Variants in PPP2R5A observed in about 807,000 individuals in gnomAD.
PPP2R5A encodes the protein serine/threonine-protein phosphatase 2A 56 kDa regulatory subunit alpha isoform.
In PPP2R5A, 25 loss-of-function variants were observed where a neutral mutation model predicts 64.2. The ratio of observed to expected loss-of-function variants is 0.39; its 90% CI spans 0.28 to 0.54. PPP2R5A has a LOEUF of 0.54. PPP2R5A is among the 20% of genes least tolerant of loss of function. The pLI, the probability that PPP2R5A is intolerant of heterozygous loss-of-function variation, is 0.67. For missense variants in PPP2R5A, 425 were observed against 576.3 expected (o/e 0.74, Z 2.69); for synonymous variants, 198 against 201.2 (o/e 0.98, Z 0.13).
intron 1 of PPP2R5A, among the ~76,000 whole-genome samples, chr1:212,321,524 A>G (rs1435513723): frequency 5.0e-5 from 7 of 138,880 alleles, no homozygotes; most frequent in Admixed American, 4.9e-4. Context: ...GGCGGTTGCC[A>G]GGCAGAGGGT....
chr1:212,315,590 T>C (rs1298590823), intron 1 of PPP2R5A, among the ~76,000 whole-genome samples: 1 of 152,236 alleles, frequency 6.6e-6, no homozygotes, highest in Non-Finnish European at 1.5e-5. Context: ...TCTCACAAAG[T>C]TTGCTAATAT....
intron 8 of PPP2R5A, among the ~76,000 whole-genome samples, chr1:212,351,245 G>C (rs781446252): frequency 1.3e-5 from 2 of 152,014 alleles, no homozygotes; most frequent in Non-Finnish European, 2.9e-5. Flanking sequence ...AAATACCCAG[G>C]TTAAGAAAGG....
At chr1:212,351,901 AAAC>A (rs1470392383) in intron 8 of PPP2R5A, among the ~76,000 whole-genome samples, 1 of 151,996 alleles carries the variant, frequency 6.6e-6, no homozygotes, top group African/African-American at 2.4e-5. Flanking sequence ...AAGCAAAACA[AAAC>A]AAAACACCGT....
At chr1:212,359,680 G>A (rs1660046102) in intron 12 of PPP2R5A, among the ~76,000 whole-genome samples, 1 of 152,136 alleles carries the variant, frequency 6.6e-6, no homozygotes, top group Non-Finnish European at 1.5e-5. Context: ...ATTTTGACAA[G>A]TTCCTAGTTA....
Position 212,339,582 on chromosome 1 carries a change from CTG to C in PPP2R5A, c.481-2602_481-2601del, listed in dbSNP as rs377048277. Reference sequence around the variant, plus strand: ...ATTTTGACTGATCACCTAATGTTTACTGTGTCAGGTAAATGATGTAGATGAAA... The same window carrying C: ...ATTTTGACTGATCACCTAATGTTTACTGTCAGGTAAATGATGTAGATGAAA... On this transcript the variant is annotated intron_variant, in intron 3 of 12. Transcript: ENST00000261461. 3.0e-4 allele frequency among the ~76,000 whole-genome samples: 45 copies of C among 152,236 alleles called. 1 individual carries two copies. The highest frequency in any genetic ancestry group is 1.1e-3 in the African/African-American group (44 of 41,526).
chr1:212,357,340 T>G (rs1659995758), intron 11 of PPP2R5A, 56 bp downstream of exon 11: 6 of 1,388,132 alleles, frequency 4.3e-6, no homozygotes, highest in Non-Finnish European at 5.8e-6. Context: ...TATATCTTTT[T>G]GTTATTGATT....
intron 1 of PPP2R5A, among the ~76,000 whole-genome samples, chr1:212,304,709 C>T (rs553515478): frequency 2.0e-5 from 3 of 149,706 alleles, no homozygotes; most frequent in Non-Finnish European, 3.0e-5. Flanking sequence ...CTTACAGGTA[C>T]ATGCTACCAA....
chr1:212,340,594 G>A (rs1659670676), intron 3 of PPP2R5A, among the ~76,000 whole-genome samples: 1 of 152,108 alleles, frequency 6.6e-6, no homozygotes, highest in Non-Finnish European at 1.5e-5. Flanking sequence ...CTCTATTGTT[G>A]TTTGATTAGA....
chr1:212,341,055 A>G (rs1659677463), intron 3 of PPP2R5A, among the ~76,000 whole-genome samples: 1 of 152,132 alleles, frequency 6.6e-6, no homozygotes, highest in African/African-American at 2.4e-5. Flanking sequence ...AGCTAATAAG[A>G]TACATTTTGG....
chr1:212,348,491 T>C lies in PPP2R5A; in HGVS notation c.867T>C (p.His289=). Residue 289 remains histidine, a synonymous_variant, in exon 7 of 13, where the codon CAT becomes CAC. Transcript: ENST00000261461. ...CTGCAAAAGGATTAGCTTTGTTTCA[T>C]GCTCAGGTAAGTTTCAGAAACATTT... ...MHTAKGLALF[H]AQLAYCVVQF... 6.4e-7 allele frequency: 1 copy of C among 1,574,158 alleles called. No individual in the cohort carries two copies. Among genetic ancestry groups the C allele is most frequent in the Non-Finnish European group, 8.7e-7 (1 of 1,148,592 alleles).
At chr1:212,311,915 T>C (rs998791876) in intron 1 of PPP2R5A, among the ~76,000 whole-genome samples, 8 of 152,212 alleles carry the variant, frequency 5.3e-5, no homozygotes, top group African/African-American at 1.9e-4. Context: ...AAGGTCATTA[T>C]TGGAGAAAGA....
chr1:212,311,663 G>A (rs1571584421), intron 1 of PPP2R5A, among the ~76,000 whole-genome samples: 2 of 152,198 alleles, frequency 1.3e-5, no homozygotes, highest in East Asian at 1.9e-4. Context: ...TAGAAGATGT[G>A]GAGATGAGAC....
chr1:212,309,020 T>C (rs1658973717), intron 1 of PPP2R5A: 9 of 750,646 alleles, frequency 1.2e-5, no homozygotes, highest in South Asian at 2.7e-5. Flanking sequence ...AAAAGATATA[T>C]ATATATATTT....
At chr1:212,296,499 A>C (rs1340109387) in intron 1 of PPP2R5A, among the ~76,000 whole-genome samples, 1 of 152,224 alleles carries the variant, frequency 6.6e-6, no homozygotes, top group African/African-American at 2.4e-5. Context: ...CTGGCCACTT[A>C]GTCTCCTGGC....
intron 3 of PPP2R5A, chr1:212,333,864 C>T (rs940219681): frequency 2.9e-5 from 8 of 272,302 alleles, no homozygotes; most frequent in African/African-American, 1.8e-4. Flanking sequence ...AACCCATCAC[C>T]ACTCTTTAAT....
chr1:212,339,131 C>A (rs1470256666), intron 3 of PPP2R5A, among the ~76,000 whole-genome samples: 1 of 152,046 alleles, frequency 6.6e-6, no homozygotes, highest in Non-Finnish European at 1.5e-5. Context: ...CTCTGTAGAT[C>A]ACTAGTGTTT....
At chr1:212,339,178 T>C (rs1206972019) in intron 3 of PPP2R5A, among the ~76,000 whole-genome samples, 1 of 152,140 alleles carries the variant, frequency 6.6e-6, no homozygotes, top group Non-Finnish European at 1.5e-5. Context: ...TCATCATTTT[T>C]ATTTATTTAT....
chr1:212,345,763 G>A (rs749517846), intron 4 of PPP2R5A, 40 bp from the exon 5 acceptor site: 29 of 1,563,260 alleles, frequency 1.9e-5, no homozygotes, highest in East Asian at 2.3e-5. Flanking sequence ...GCTTTAGCTC[G>A]ATTATTTTTT....
chr1:212,323,389 G>T (rs1433426979), intron 1 of PPP2R5A, among the ~76,000 whole-genome samples: 1 of 152,172 alleles, frequency 6.6e-6, no homozygotes, highest in African/African-American at 2.4e-5. Flanking sequence ...GTTAGCAGTA[G>T]TACTGTATTT....
Sources: gnomAD v4.1 joint callset for allele counts (sites outside exome capture counted in the v4.1 genomes callset) on GRCh38, gnomAD v4.1.1 for gene constraint, MANE v1.5 for transcripts, NCBI Gene and HGNC (gene_info 2026-07-23, HGNC 2026-07-21) for gene names.